LRRC37A: variants seen among roughly 807,000 people sequenced by gnomAD.
LRRC37A encodes the protein leucine-rich repeat-containing protein 37A.
A neutral mutation model predicts 35.4 loss-of-function variants in LRRC37A; 3 were observed. The ratio of observed to expected loss-of-function variants is 0.08; its 90% CI spans 0.04 to 0.22. The LOEUF (loss-of-function observed/expected upper bound fraction) is 0.22. LRRC37A is among the 10% of genes least tolerant of loss of function. The pLI, the probability that LRRC37A is intolerant of heterozygous loss-of-function variation, is 1.00. For missense variants in LRRC37A, 67 were observed against 565.3 expected, an observed-to-expected ratio of 0.12 and a Z score of 8.94; for synonymous variants, 23 against 215.0, an observed-to-expected ratio of 0.11 and a Z score of 7.81.
At chr17:46,248,375 C>T in the LRRC37A span, among the ~76,000 whole-genome samples, 19 of 151,978 alleles carry the variant, frequency 1.3e-4, no homozygotes, top group African/African-American at 3.9e-4. Context: ...AAAGGTCCCT[C>T]GTGTCCCTTT....
At chr17:46,323,702 CAGT>C (rs1204833174) in intron 7 of LRRC37A, among the ~76,000 whole-genome samples, 1 of 104,682 alleles carries the variant, frequency 9.6e-6, no homozygotes, top group East Asian at 2.5e-4. Flanking sequence ...TGGCCTCACT[CAGT>C]AGAATTTTTT....
rs866233756 is a variant in LRRC37A at position 46,333,088 on chromosome 17, G to A, written c.4809+432G>A. 9.7e-5 allele frequency among the ~76,000 whole-genome samples: 12 copies of A among 123,508 alleles called. 1 individual carries two copies. In the East Asian group the frequency reaches 1.2e-3, roughly 12 times the overall value. 81.0% of individuals were successfully genotyped at this position (123,508 alleles called of 152,430 possible). On this transcript the variant is annotated intron_variant, in intron 10 of 13. Coordinates refer to ENST00000320254, the Ensembl canonical transcript of LRRC37A. ...GGAAGGAGAGAGCCAAAAGACATACGTATTGTCTTGTAGACTTATTAGATT... is the reference window on the plus strand; with the variant it reads ...GGAAGGAGAGAGCCAAAAGACATACATATTGTCTTGTAGACTTATTAGATT...
chr17:46,253,731 A>AGAGAGGGAGAGGGAGACCGTGGG, the LRRC37A span, among the ~76,000 whole-genome samples: 1 of 135,874 alleles, frequency 7.4e-6, no homozygotes, highest in African/African-American at 2.7e-5. Context: ...GACCGTGGAA[A>AGAGAGGGAGAGGGAGACCGTGGG]GAGAGGGAGA....
At chr17:46,276,339 C>T in the LRRC37A span, among the ~76,000 whole-genome samples, 1 of 152,164 alleles carries the variant, frequency 6.6e-6, no homozygotes. Context: ...CATTGTTTCA[C>T]GTGGCTGCTA....
the LRRC37A span, among the ~76,000 whole-genome samples, chr17:46,253,670 G>T: frequency 1.3e-5 from 2 of 151,256 alleles, no homozygotes; most frequent in East Asian, 3.9e-4. Context: ...AATCAGGCAG[G>T]GAGGTTGCAG....
chr17:46,285,404 C>T, the LRRC37A span, among the ~76,000 whole-genome samples: 2 of 152,040 alleles, frequency 1.3e-5, no homozygotes, highest in Non-Finnish European at 2.9e-5. Flanking sequence ...CCACACCCGA[C>T]TAGTTTTTTG....
Position 46,300,068 on chromosome 17 carries a change from T to C in LRRC37A, c.2681+203T>C, listed in dbSNP as rs2050292584. On this transcript the variant is annotated intron_variant, in intron 2 of 13. Coordinates refer to ENST00000320254, the Ensembl canonical transcript of LRRC37A. ...AAAATAAGAGGCAATTTAAATTTAT[T>C]TTTTATCATACAAATAGTACATGGT... is the stretch of plus-strand genomic sequence containing the variant. Among the ~76,000 whole-genome samples, 2 of 59,592 alleles carry C rather than the reference T, an allele frequency of 3.4e-5. 1 individual carries two copies. Among genetic ancestry groups the C allele is most frequent in the Admixed American group, 3.8e-4 (2 of 5,304 alleles). The allele number at this position is 59,592 out of a possible 152,430, so 39.1% of individuals were successfully genotyped here. A position where few individuals can be genotyped will look rare whatever the true frequency, so the allele number is the denominator to read the frequency against.
upstream of LRRC37A, among the ~76,000 whole-genome samples, chr17:46,289,528 T>C (rs866726225): frequency 4.6e-5 from 7 of 152,118 alleles, no homozygotes; most frequent in African/African-American, 1.2e-4. Flanking sequence ...CTTTTAGAGA[T>C]AGGGTTTCAC....
chr17:46,288,305 C>CT (rs78255121), upstream of LRRC37A, among the ~76,000 whole-genome samples: 6,436 of 112,216 alleles, frequency 0.057, 355 homozygotes, highest in African/African-American at 0.084. Flanking sequence ...CCAGGCCCGG[C>CT]TTTTTTTTTT....
chr17:46,265,256 TTCTTC>T, the LRRC37A span, among the ~76,000 whole-genome samples: 1 of 8,868 alleles, frequency 1.1e-4, no homozygotes, highest in East Asian at 1.7e-3. Flanking sequence ...TTTCTTCTTC[TTCTTC>T]TTCTTCTTCT....
rs1471482133 is a variant in LRRC37A at position 46,336,077 on chromosome 17, G to C, written c.4859+483G>C. Among the ~76,000 whole-genome samples the C allele has an allele frequency of 1.2e-4, 2 of 17,044 alleles. 1 individual carries two copies. Among genetic ancestry groups the C allele is most frequent in the African/African-American group, 1.3e-4 (2 of 15,554 alleles). The allele number at this position is 17,044 out of a possible 152,430, so 11.2% of individuals were successfully genotyped here. ...TCTTGGAGGCTCTGGGAAAGGGGAA[G>C]GGAAGGCCACCGGGTGTGAGAGAGA... is the stretch of plus-strand genomic sequence containing the variant. On this transcript the variant is annotated intron_variant, in intron 11 of 13. Coordinates refer to ENST00000320254, the Ensembl canonical transcript of LRRC37A.
At chr17:46,335,627 CTCTTT>C (rs1481633758) in intron 11 of LRRC37A, 33 bp downstream of exon 11, 1 of 180,098 alleles carries the variant, frequency 5.6e-6, no homozygotes, top group African/African-American at 1.8e-5. Context: ...TTTTTTTCTT[CTCTTT>C]TGAGATGGAG....
the LRRC37A span, chr17:46,275,225 G>T: frequency 2.7e-6 from 1 of 364,684 alleles, no homozygotes; most frequent in Non-Finnish European, 4.7e-6. Flanking sequence ...GGACAAAATT[G>T]GCCAATAATA....
chr17:46,268,148 G>C, the LRRC37A span, among the ~76,000 whole-genome samples: 1 of 152,110 alleles, frequency 6.6e-6, no homozygotes, highest in Non-Finnish European at 1.5e-5. Context: ...ATGTGGGCTG[G>C]TTACGTATTG....
At chr17:46,253,294 C>T in the LRRC37A span, among the ~76,000 whole-genome samples, 2 of 146,510 alleles carry the variant, frequency 1.4e-5, no homozygotes, top group South Asian at 2.1e-4. Flanking sequence ...GACGCTCCTC[C>T]CTTTCCAGAC....
chr17:46,259,203 A>G, the LRRC37A span, among the ~76,000 whole-genome samples: 1 of 109,786 alleles, frequency 9.1e-6, no homozygotes, highest in Non-Finnish European at 2.4e-5. Context: ...AAAAACCAAC[A>G]AAGAGGACAA....
chr17:46,311,657 C>T (rs1253859577), intron 5 of LRRC37A, among the ~76,000 whole-genome samples: 2 of 87,808 alleles, frequency 2.3e-5, no homozygotes, highest in Non-Finnish European at 5.5e-5. Context: ...TTGTGAGCTA[C>T]CTTTATTCTG....
the LRRC37A span, among the ~76,000 whole-genome samples, chr17:46,267,893 C>CTTTTTTTTTTTTTTTTTTTTT: frequency 1.1e-3 from 99 of 89,158 alleles, no homozygotes; most frequent in Middle Eastern, 6.5e-3. Flanking sequence ...ACTCCCACAT[C>CTTTTTTTTTTTTTTTTTTTTT]TTTTTTTTTT....
chr17:46,280,544 T>G, the LRRC37A span, among the ~76,000 whole-genome samples: 3 of 151,600 alleles, frequency 2.0e-5, no homozygotes. Flanking sequence ...AGAAAAAAAT[T>G]TGTTTCCTTA....
Sources: gnomAD v4.1 joint callset for allele counts (sites outside exome capture counted in the v4.1 genomes callset) on GRCh38, gnomAD v4.1.1 for gene constraint, MANE v1.5 for transcripts, NCBI Gene and HGNC (gene_info 2026-07-23, HGNC 2026-07-21) for gene names.